CASK: variants seen among roughly 807,000 people sequenced by gnomAD.
CASK encodes the protein peripheral plasma membrane protein CASK.
A neutral mutation model predicts 82.9 loss-of-function variants in CASK; 4 were observed. That is an observed-to-expected ratio of 0.05 (90% CI 0.02 to 0.11). The LOEUF (loss-of-function observed/expected upper bound fraction) is 0.11, where lower values mean the gene tolerates loss of function less well. Ranked by LOEUF, CASK falls within the 10% of genes least tolerant of loss-of-function variation. The pLI is 1.00. For missense variants in CASK, 358 were observed against 720.9 expected, an observed-to-expected ratio of 0.50 and a Z score of 5.76; for synonymous variants, 259 against 253.5, an observed-to-expected ratio of 1.02 and a Z score of -0.20.
intron 14 of CASK, among the ~76,000 whole-genome samples, chrX:41,581,584 A>T (rs1439938647): frequency 9.0e-6 from 1 of 110,567 alleles, no homozygotes; most frequent in Non-Finnish European, 1.9e-5. Flanking sequence ...TGCCAAGAAT[A>T]ACTCCCAAAC....
chrX:41,824,176 A>C (rs994352432), intron 2 of CASK, among the ~76,000 whole-genome samples: 7 of 111,793 alleles, frequency 6.3e-5, no homozygotes, highest in African/African-American at 2.3e-4. Context: ...TATTGAATGA[A>C]TCTCCTTAAA....
intron 12 of CASK, among the ~76,000 whole-genome samples, chrX:41,596,708 C>G (rs963684844): frequency 8.9e-6 from 1 of 111,779 alleles, no homozygotes; most frequent in Non-Finnish European, 1.9e-5. Context: ...ACACACAACA[C>G]CAGGGCAAAA....
At chrX:41,696,183 G>A in intron 5 of CASK, 3 of 1,204,154 alleles carry the variant, frequency 2.5e-6, no homozygotes, top group Non-Finnish European at 3.4e-6. Flanking sequence ...GCTTGCTCTT[G>A]GTGGATTCCT....
At chrX:41,873,402 A>C (rs1297943889) in intron 1 of CASK, among the ~76,000 whole-genome samples, 3 of 111,334 alleles carry the variant, frequency 2.7e-5, no homozygotes, top group African/African-American at 9.8e-5. Context: ...AAACTGAAGT[A>C]AAAGGTGAAA....
At chrX:41,787,334 T>G (rs768986828) in intron 2 of CASK, 51 bp from the exon 3 acceptor site, 1 of 712,023 alleles carries the variant, frequency 1.4e-6, no homozygotes, top group South Asian at 2.1e-5. Context: ...AAAAGACAAT[T>G]AGAGTGAATG....
At chrX:41,876,871 G>A (rs2071834562) in intron 1 of CASK, among the ~76,000 whole-genome samples, 1 of 111,388 alleles carries the variant, frequency 9.0e-6, no homozygotes, top group African/African-American at 3.3e-5. Flanking sequence ...CAGTAATGTG[G>A]CACTGACAAT....
At chrX:41,853,989 G>A (rs896169356) in intron 1 of CASK, among the ~76,000 whole-genome samples, 17 of 111,820 alleles carry the variant, frequency 1.5e-4, no homozygotes, top group African/African-American at 3.9e-4. Flanking sequence ...AAAGGCCTGC[G>A]TGGTTTGGTC....
intron 6 of CASK, among the ~76,000 whole-genome samples, chrX:41,669,550 T>C (rs755099241): frequency 4.5e-5 from 5 of 112,270 alleles, no homozygotes; most frequent in Non-Finnish European, 9.4e-5. Flanking sequence ...CAGAAATTAT[T>C]TGTTATAATT....
At chrX:41,843,895 G>A (rs1213824669) in intron 2 of CASK, among the ~76,000 whole-genome samples, 2 of 111,238 alleles carry the variant, frequency 1.8e-5, no homozygotes, top group African/African-American at 6.5e-5. Context: ...TCATTCCATT[G>A]TATGGATATA....
intron 14 of CASK, among the ~76,000 whole-genome samples, chrX:41,581,323 T>C (rs1195712889): frequency 2.7e-5 from 3 of 109,726 alleles, no homozygotes; most frequent in Admixed American, 9.8e-5. Context: ...AAGGCTACAG[T>C]GAGCTAAGAA....
rs2065187099 is a variant in CASK, at chrX:41,558,522, T to C, written c.1737+1257A>G. ...ACAGATGAGAAATGATATAAGGACA[T>C]CTGTAACTCTGGAATATTAAAATTA... On this transcript the variant is annotated intron_variant, in intron 18 of 26. Coordinates refer to ENST00000378163, the MANE Select transcript of CASK (RefSeq NM_001367721.1). The C allele has an allele frequency of 2.7e-5, 3 of 111,705 alleles. No homozygotes were observed. In the South Asian group the frequency reaches 1.1e-3, roughly 42 times the overall value. 9.2% of individuals were successfully genotyped at this position (111,705 alleles called of 1,213,427 possible). A position where few individuals can be genotyped will look rare whatever the true frequency, so the allele number is the denominator to read the frequency against.
chrX:41,784,151 A>G (rs923767686), intron 3 of CASK, among the ~76,000 whole-genome samples: 1 of 111,771 alleles, frequency 8.9e-6, no homozygotes, highest in African/African-American at 3.3e-5. Context: ...CATCTCCACA[A>G]CTACAATCAC....
At chrX:41,882,829 T>C (rs529716575) in intron 1 of CASK, among the ~76,000 whole-genome samples, 2 of 111,811 alleles carry the variant, frequency 1.8e-5, no homozygotes, top group African/African-American at 3.2e-5. Context: ...TCTTGGCAAT[T>C]ACATCCACAT....
intron 9 of CASK, among the ~76,000 whole-genome samples, chrX:41,630,989 T>G (rs1224456041): frequency 8.9e-6 from 1 of 111,780 alleles, no homozygotes; most frequent in Non-Finnish European, 1.9e-5. Context: ...GAGTTATCAT[T>G]CAGTTTAGTC....
chrX:41,611,700 CCCACGGTCTCCCTCTCCCTCTCTTT>C (rs2066055038), intron 11 of CASK, among the ~76,000 whole-genome samples: 3 of 86,214 alleles, frequency 3.5e-5, no homozygotes, highest in South Asian at 7.1e-4. Context: ...TCTCCCTCTC[CCCACGGTCTCCCTCTCCCTCTCTTT>C]CCACGGTCTC....
Position 41,853,247 on chromosome X carries a change from T to C in CASK, c.60-20A>G, listed in dbSNP as rs370922411. On this transcript the variant is annotated intron_variant, in intron 1 of 26. Transcript: ENST00000378163. ...GGACCCCTATAAAACAAAAAGTCAA[T>C]TTTAATTCATTGATTCTCTTAAGTT... The C allele has an allele frequency of 1.4e-5, 13 of 959,375 alleles. No individual in the cohort carries two copies. In the East Asian group the frequency reaches 3.7e-4, roughly 27 times the overall value. The allele number at this position is 959,375 out of a possible 1,213,427, so 79.1% of individuals were successfully genotyped here. A position where few individuals can be genotyped will look rare whatever the true frequency, so the allele number is the denominator to read the frequency against.
intron 1 of CASK, among the ~76,000 whole-genome samples, chrX:41,913,573 A>G (rs2148093672): frequency 8.9e-6 from 1 of 111,960 alleles, no homozygotes; most frequent in East Asian, 2.8e-4. Flanking sequence ...AATAAAAGTT[A>G]GCACCACTAA....
intron 3 of CASK, among the ~76,000 whole-genome samples, chrX:41,773,876 A>G (rs1318078776): frequency 8.9e-6 from 1 of 111,825 alleles, no homozygotes; most frequent in African/African-American, 3.3e-5. Flanking sequence ...TCAGTAAGTG[A>G]TGAGTGAATG....
chrX:41,810,779 C>T (rs1602659144), intron 2 of CASK, among the ~76,000 whole-genome samples: 1 of 111,883 alleles, frequency 8.9e-6, no homozygotes, highest in African/African-American at 3.3e-5. Context: ...TTAAAAGACA[C>T]AGACTGGCAA....
Sources: gnomAD v4.1 joint callset for allele counts (sites outside exome capture counted in the v4.1 genomes callset) on GRCh38, gnomAD v4.1.1 for gene constraint, MANE v1.5 for transcripts, NCBI Gene and HGNC (gene_info 2026-07-23, HGNC 2026-07-21) for gene names.